BCAS3: variants seen among roughly 807,000 people sequenced by gnomAD.
BCAS3 encodes BCAS3 microtubule associated cell migration factor, also known as BCAS4/BCAS3 fusion.
BCAS3 carries 53 observed loss-of-function variants against 116.1 expected under a neutral mutation model. The observed-to-expected ratio is 0.46, with a 90% confidence interval of 0.37 to 0.57. The LOEUF is 0.57. Among genes scored for constraint, BCAS3 ranks in the 20% least tolerant of loss-of-function variants. BCAS3 has a pLI of 0.00. For missense variants in BCAS3, 917 were observed against 1,165.4 expected (o/e 0.79, Z 3.10); for synonymous variants, 391 against 408.2 (o/e 0.96, Z 0.51).
At chr17:61,298,640 CA>C (rs2053152133) in intron 22 of BCAS3, among the ~76,000 whole-genome samples, 1 of 152,016 alleles carries the variant, frequency 6.6e-6, no homozygotes, top group Non-Finnish European at 1.5e-5. Flanking sequence ...AATCTACTTC[CA>C]AAAGGGAGCC....
At position 61,362,278 on chromosome 17, in the gene BCAS3, C is replaced by T. The variant is rs757791482; in HGVS notation, c.2426-6049C>T. Among the ~76,000 whole-genome samples, 4 of 152,220 alleles carry T rather than the reference C, an allele frequency of 2.6e-5. No homozygotes were observed. The highest frequency in any genetic ancestry group is 5.9e-5 in the Non-Finnish European group (4 of 68,036). ...GGGATCATTTCTTAGTTATTGTAGA[C>T]GTCATCATCACAACCTCTCACCAAG... On this transcript the variant is annotated intron_variant, in intron 22 of 23. Transcript: ENST00000407086. This position sits in a 1 kb window ranked among gnomAD's most constrained non-coding sequence, Gnocchi z 4.4.
chr17:61,015,606 A>G, intron 15 of BCAS3, 145 bp from the exon 16 acceptor site: 5 of 833,796 alleles, frequency 6.0e-6, no homozygotes, highest in South Asian at 1.7e-5. Context: ...TCTCATCCAC[A>G]TAATTGTAAT....
At chr17:61,040,554 G>C (rs909939439) in intron 18 of BCAS3, among the ~76,000 whole-genome samples, 3 of 152,176 alleles carry the variant, frequency 2.0e-5, no homozygotes, top group Admixed American at 2.0e-4. Context: ...GTCTTCTGCT[G>C]TTAAGCTTAT....
At chr17:60,916,905 T>C (rs895175213) in intron 12 of BCAS3, among the ~76,000 whole-genome samples, 2 of 152,208 alleles carry the variant, frequency 1.3e-5, no homozygotes, top group Non-Finnish European at 1.5e-5. Context: ...TAAACATTTC[T>C]TTGAAAAAGA....
intron 22 of BCAS3, among the ~76,000 whole-genome samples, chr17:61,175,939 C>T (rs1041370745): frequency 9.2e-5 from 14 of 151,690 alleles, no homozygotes; most frequent in African/African-American, 3.1e-4. Flanking sequence ...AGTTAGAATC[C>T]AGCCTGGGCA....
intron 13 of BCAS3, among the ~76,000 whole-genome samples, chr17:60,925,349 G>T (rs572073902): frequency 6.6e-6 from 1 of 152,078 alleles, no homozygotes; most frequent in African/African-American, 2.4e-5. Context: ...TAAGTATTGC[G>T]TCTACATCAT....
chr17:61,356,080 C>T lies in BCAS3; in HGVS notation c.2426-12247C>T, dbSNP rs556676700. 4.3e-4 allele frequency among the ~76,000 whole-genome samples: 66 copies of T among 152,284 alleles called. No individual in the cohort carries two copies. The highest frequency in any genetic ancestry group is 1.6e-3 in the African/African-American group (65 of 41,566). ...CGCAATCTCGGCCCACTGCAACCTC[C>T]GCCTCCCGGGTTCAAGTGATTCTCC... is the stretch of plus-strand genomic sequence containing the variant. On this transcript the variant is annotated intron_variant, in intron 22 of 23. Transcript: ENST00000407086. The surrounding 1 kb of genome is among the most constrained non-coding windows in gnomAD (Gnocchi z 5.4).
rs1446453583 is a variant in BCAS3 at position 61,316,932 on chromosome 17, C to A, written c.2426-51395C>A. Among the ~76,000 whole-genome samples, 2 of 152,212 alleles carry A rather than the reference C, an allele frequency of 1.3e-5. No individual in the cohort carries two copies. Among genetic ancestry groups the A allele is most frequent in the Non-Finnish European group, 2.9e-5 (2 of 68,040 alleles). ...AGAGGCTAACTCCAGCCATTGCCAG[C>A]CCTTCTGTAAAATGGCTACTATATG... On this transcript the variant is annotated intron_variant, in intron 22 of 23. Coordinates refer to ENST00000407086, the MANE Select transcript of BCAS3 (RefSeq NM_017679.5). This position sits in a 1 kb window ranked among gnomAD's most constrained non-coding sequence, Gnocchi z 5.8.
intron 15 of BCAS3, among the ~76,000 whole-genome samples, chr17:61,014,402 A>G (rs183637743): frequency 1.3e-5 from 2 of 152,168 alleles, no homozygotes; most frequent in Non-Finnish European, 2.9e-5. Context: ...ACATGGATCA[A>G]TGCAGGAATA....
At chr17:60,932,977 C>G (rs2059738964) in intron 13 of BCAS3, among the ~76,000 whole-genome samples, 1 of 152,000 alleles carries the variant, frequency 6.6e-6, no homozygotes, top group Non-Finnish European at 1.5e-5. Context: ...GAGTTCGAGA[C>G]CAGCCTGGCC....
intron 19 of BCAS3, among the ~76,000 whole-genome samples, chr17:61,042,464 A>T (rs1317648354): frequency 1.3e-5 from 2 of 151,908 alleles, no homozygotes; most frequent in East Asian, 3.8e-4. Context: ...GCTGCCCTAA[A>T]CACCTTTGTC....
chr17:61,158,672 T>G (rs1334030146), intron 22 of BCAS3, among the ~76,000 whole-genome samples: 1 of 152,124 alleles, frequency 6.6e-6, no homozygotes, highest in African/African-American at 2.4e-5. Flanking sequence ...GATAATGATA[T>G]TTGCTTAAAG....
chr17:61,122,128 G>A lies in BCAS3; in HGVS notation c.2425+37564G>A, dbSNP rs1362731005. Among the ~76,000 whole-genome samples, 1 of 152,212 alleles carries A rather than the reference G, an allele frequency of 6.6e-6. No homozygotes were observed. The highest frequency in any genetic ancestry group is 1.5e-5 in the Non-Finnish European group (1 of 68,030). On this transcript the variant is annotated intron_variant, in intron 22 of 23. Coordinates refer to ENST00000407086, the MANE Select transcript of BCAS3 (RefSeq NM_017679.5). This position sits in a 1 kb window ranked among gnomAD's most constrained non-coding sequence, Gnocchi z 4.6. ...GCATAGTCTTGCCACAGCTGAAATA[G>A]GAAGAGTATTGAACAGTCTCCCTTC...
chr17:61,045,396 A>C (rs1199670509), intron 19 of BCAS3, among the ~76,000 whole-genome samples: 1 of 151,526 alleles, frequency 6.6e-6, no homozygotes, highest in Non-Finnish European at 1.5e-5. Context: ...CTGTAGTCCC[A>C]GTTGCTCAGC....
intron 7 of BCAS3, among the ~76,000 whole-genome samples, chr17:60,865,731 A>C (rs1489391385): frequency 6.6e-6 from 1 of 152,194 alleles, no homozygotes; most frequent in Non-Finnish European, 1.5e-5. Flanking sequence ...CTACCTTGAC[A>C]ATCTGGATGC....
In BCAS3 at chr17:60,692,063, A is replaced by AG. The variant is rs1482290164; in HGVS notation, c.214+2302_214+2303insG. On this transcript the variant is annotated intron_variant, in intron 4 of 23. Transcript: ENST00000407086. ...GTGAAACTCTGTCTCAAAAAAAAAA[A>AG]AAAATGGAGAAACACAGAAGAAAAA... Among the ~76,000 whole-genome samples, 4 of 152,156 alleles carry AG rather than the reference A, an allele frequency of 2.6e-5. No homozygotes were observed. In the East Asian group the frequency reaches 7.7e-4, roughly 29 times the overall value.
At chr17:60,784,268 C>T (rs1355612667) in intron 6 of BCAS3, among the ~76,000 whole-genome samples, 1 of 146,870 alleles carries the variant, frequency 6.8e-6, no homozygotes, top group African/African-American at 2.5e-5. Flanking sequence ...GTGATGATGG[C>T]GTGTGTTCTT....
chr17:61,265,417 A>G lies in BCAS3; in HGVS notation c.2426-102910A>G, dbSNP rs1020531251. Among the ~76,000 whole-genome samples, 2 of 152,126 alleles carry G rather than the reference A, an allele frequency of 1.3e-5. No individual in the cohort carries two copies. The highest frequency in any genetic ancestry group is 2.9e-5 in the Non-Finnish European group (2 of 68,018). ...GAAACTCTGTCTCAAGAAAAAAAAA[A>G]AAAGAAAGCACAGTACCTGATACAT... On this transcript the variant is annotated intron_variant, in intron 22 of 23. Transcript: ENST00000407086. The surrounding 1 kb of genome is among the most constrained non-coding windows in gnomAD (Gnocchi z 4.3).
intron 19 of BCAS3, among the ~76,000 whole-genome samples, chr17:61,067,273 G>GTGTGTA (rs1251223420): frequency 1.7e-5 from 1 of 58,796 alleles, no homozygotes; most frequent in African/African-American, 8.6e-5. Flanking sequence ...GTGTGTATGT[G>GTGTGTA]TATATATATA....
Sources: gnomAD v4.1 joint callset for allele counts (sites outside exome capture counted in the v4.1 genomes callset) on GRCh38, gnomAD v4.1.1 for gene constraint, Gnocchi (gnomAD v3.1) non-coding constraint, MANE v1.5 for transcripts, NCBI Gene and HGNC (gene_info 2026-07-23, HGNC 2026-07-21) for gene names.